The following PLD5 variants were observed in gnomAD, a reference collection of about 807,000 sequenced individuals.
The protein encoded by PLD5 is inactive phospholipase D5.
PLD5 carries 36 observed loss-of-function variants against 61.1 expected under a neutral mutation model. That is an observed-to-expected ratio of 0.59 (90% CI 0.45 to 0.78). PLD5 has a LOEUF of 0.78. PLD5 is among the 30% of genes least tolerant of loss of function. PLD5 has a pLI of 0.00. For synonymous variants in PLD5, 243 were observed against 242.8 expected (o/e 1.00, Z -0.01); for missense variants, 515 against 644.4 (o/e 0.80, Z 2.17).
At chr1:242,105,285 G>A (rs1405027469) in intron 8 of PLD5, among the ~76,000 whole-genome samples, 6 of 151,384 alleles carry the variant, frequency 4.0e-5, no homozygotes, top group African/African-American at 1.5e-4. Context: ...ATGCAGTGGT[G>A]CAATCTCGGC....
Position 242,129,090 on chromosome 1 carries a change from T to C in PLD5, c.736-4425A>G, listed in dbSNP as rs1008551940. Among the ~76,000 whole-genome samples the C allele has an allele frequency of 2.0e-5, 3 of 152,146 alleles. No homozygotes were observed. In the East Asian group the frequency reaches 5.8e-4, roughly 29 times the overall value. On this transcript the variant is annotated intron_variant, in intron 5 of 9. Transcript: ENST00000536534. ...ACCCCAAGACTCTCCTTATGAACCATTTATCACCATCAAGATGCAACTGGG... is the reference window on the plus strand; with the variant it reads ...ACCCCAAGACTCTCCTTATGAACCACTTATCACCATCAAGATGCAACTGGG...
intron 5 of PLD5, among the ~76,000 whole-genome samples, chr1:242,156,401 T>C (rs1345139065): frequency 6.6e-6 from 1 of 152,206 alleles, no homozygotes; most frequent in Non-Finnish European, 1.5e-5. Context: ...ATTATGATGC[T>C]AGCTGGTTAG....
intron 1 of PLD5, among the ~76,000 whole-genome samples, chr1:242,354,991 G>T (rs377632064): frequency 0.021 from 3,197 of 152,046 alleles, 39 homozygotes; most frequent in East Asian, 0.033. Flanking sequence ...CATGGTAAAT[G>T]ATCCTTTTCA....
At position 242,155,335 on chromosome 1, in the gene PLD5, G is replaced by A. The variant is rs372751202; in HGVS notation, c.736-30670C>T. ...CATTGATTTATTTGAAGAGTTTTTC[G>A]TGTCTCTATCTCCTTCAGTTCTGCT... On this transcript the variant is annotated intron_variant, in intron 5 of 9. Coordinates refer to ENST00000536534, the MANE Select transcript of PLD5 (RefSeq NM_001372062.1). Among the ~76,000 whole-genome samples the A allele has an allele frequency of 1.2e-4, 18 of 152,028 alleles. No homozygotes were observed. In the East Asian group the frequency reaches 2.5e-3, roughly 21 times the overall value.
At chr1:242,161,364 C>T (rs763509238) in intron 5 of PLD5, among the ~76,000 whole-genome samples, 16 of 151,906 alleles carry the variant, frequency 1.1e-4, no homozygotes, top group Non-Finnish European at 2.1e-4. Flanking sequence ...GGGAAAGACC[C>T]GCCCTCCCAC....
chr1:242,519,280 A>G (rs1572283146), intron 1 of PLD5, among the ~76,000 whole-genome samples: 1 of 152,272 alleles, frequency 6.6e-6, no homozygotes, highest in African/African-American at 2.4e-5. Context: ...GCTCCAATCC[A>G]TTTATCCTTT....
intron 1 of PLD5, among the ~76,000 whole-genome samples, chr1:242,408,191 A>G (rs1374902792): frequency 6.6e-6 from 1 of 152,176 alleles, no homozygotes; most frequent in Admixed American, 6.5e-5. Context: ...TGCCTTGATG[A>G]AGGATTATTT....
chr1:242,198,701 C>CA (rs10603005), intron 5 of PLD5, among the ~76,000 whole-genome samples: 4,520 of 50,200 alleles, frequency 0.09, 141 homozygotes, highest in Middle Eastern at 0.14. Context: ...AAGTCCTTAG[C>CA]AAAAAAAAAA....
At chr1:242,489,585 A>G (rs1188301554) in intron 1 of PLD5, among the ~76,000 whole-genome samples, 1 of 152,196 alleles carries the variant, frequency 6.6e-6, no homozygotes, top group Non-Finnish European at 1.5e-5. Flanking sequence ...TTTCTTCTGA[A>G]GACTTTTCTA....
At chr1:242,220,350 C>G (rs1670492218) in intron 4 of PLD5, among the ~76,000 whole-genome samples, 1 of 152,090 alleles carries the variant, frequency 6.6e-6, no homozygotes, top group Non-Finnish European at 1.5e-5. Flanking sequence ...AGGGGAAATG[C>G]CTTTTCCTAT....
chr1:242,226,760 C>T (rs772194925), intron 4 of PLD5, among the ~76,000 whole-genome samples: 17 of 152,264 alleles, frequency 1.1e-4, no homozygotes, highest in African/African-American at 2.2e-4. Context: ...TTAACAGAGA[C>T]GCTTCATTGA....
chr1:242,410,765 C>T (rs1664504344), intron 1 of PLD5, among the ~76,000 whole-genome samples: 1 of 151,904 alleles, frequency 6.6e-6, no homozygotes, highest in Non-Finnish European at 1.5e-5. Context: ...AGCAGGTGAC[C>T]TCAGGCATAA....
At chr1:242,294,800 A>T (rs1402538000) in intron 2 of PLD5, among the ~76,000 whole-genome samples, 3 of 152,210 alleles carry the variant, frequency 2.0e-5, no homozygotes, top group Non-Finnish European at 4.4e-5. Context: ...AAGACTTATA[A>T]TTGAAAAAAA....
At chr1:242,109,044 T>G (rs1661279707) in intron 7 of PLD5, among the ~76,000 whole-genome samples, 1 of 152,220 alleles carries the variant, frequency 6.6e-6, no homozygotes, top group African/African-American at 2.4e-5. Flanking sequence ...TGTCTGGTTT[T>G]ATACCCATGA....
Position 242,084,115 on chromosome 1 carries a change from C to G in PLD5, c.*5739G>C, listed in dbSNP as rs1659354559. 1 of 152,110 alleles carries G rather than the reference C, an allele frequency of 6.6e-6. No individual in the cohort carries two copies. Among genetic ancestry groups the G allele is most frequent in the Admixed American group, 6.6e-5 (1 of 15,266 alleles). The allele number at this position is 152,110 out of a possible 1,614,324, so 9.4% of individuals were successfully genotyped here. ...CATATAAAAATAAATCACAAATAAT[C>G]TTCACCCTTACTATGATTTAATTGG... On this transcript the variant is annotated 3_prime_UTR_variant, in exon 10 of 10. Coordinates refer to ENST00000536534, the MANE Select transcript of PLD5 (RefSeq NM_001372062.1).
intron 5 of PLD5, among the ~76,000 whole-genome samples, chr1:242,176,500 C>T (rs187235579): frequency 1.1e-4 from 17 of 152,284 alleles, no homozygotes; most frequent in African/African-American, 3.6e-4. Context: ...AAAACCTAGG[C>T]AATACCATTC....
chr1:242,330,618 A>G (rs1438201313), intron 2 of PLD5, among the ~76,000 whole-genome samples: 1 of 152,216 alleles, frequency 6.6e-6, no homozygotes, highest in Non-Finnish European at 1.5e-5. Flanking sequence ...CTCTAGCATT[A>G]GCACAGTCTT....
At chr1:242,479,324 A>C (rs886994672) in intron 1 of PLD5, among the ~76,000 whole-genome samples, 4 of 152,222 alleles carry the variant, frequency 2.6e-5, no homozygotes, top group African/African-American at 9.7e-5. Flanking sequence ...CTATTAAGTA[A>C]ATTTAGCAAG....
chr1:242,150,044 CTCAAA>C (rs1164824940), intron 5 of PLD5, among the ~76,000 whole-genome samples: 1 of 151,764 alleles, frequency 6.6e-6, no homozygotes, highest in Non-Finnish European at 1.5e-5. Flanking sequence ...TTTATCTTCA[CTCAAA>C]TCAAAATATT....
Sources: allele counts gnomAD v4.1 joint callset (sites outside exome capture counted in the v4.1 genomes callset), GRCh38; gene constraint gnomAD v4.1.1; transcripts MANE v1.5; gene names NCBI Gene and HGNC (gene_info 2026-07-23, HGNC 2026-07-21).